ANO1: variants seen among roughly 807,000 people sequenced by gnomAD.
ANO1 encodes the protein anoctamin-1.
A neutral mutation model predicts 124.0 loss-of-function variants in ANO1; 59 were observed. That is an observed-to-expected ratio of 0.48 (90% CI 0.39 to 0.59). The LOEUF (loss-of-function observed/expected upper bound fraction) is 0.59. Among genes scored for constraint, ANO1 ranks in the 20% least tolerant of loss-of-function variants. The probability of loss-of-function intolerance (pLI) is 0.00; values close to 1 mark genes in which losing one functional copy is unlikely to be tolerated. For missense variants in ANO1, 1,059 were observed against 1,328.0 expected (o/e 0.80, Z 3.15); for synonymous variants, 529 against 532.0 (o/e 0.99, Z 0.08).
chr11:69,988,492 T>C (rs1856091189), intron 1 of ANO1, among the ~76,000 whole-genome samples: 1 of 152,214 alleles, frequency 6.6e-6, no homozygotes, highest in Admixed American at 6.5e-5. Context: ...GTGAGGATTA[T>C]CATCATTGTC....
chr11:70,080,737 G>A (rs895360148), intron 1 of ANO1, among the ~76,000 whole-genome samples: 22 of 152,202 alleles, frequency 1.4e-4, no homozygotes, highest in Admixed American at 1.3e-3. Context: ...CAACACTTCC[G>A]TTACACATAC....
chr11:70,171,333 G>A (rs1007034996), intron 22 of ANO1, among the ~76,000 whole-genome samples: 1 of 152,144 alleles, frequency 6.6e-6, no homozygotes, highest in Non-Finnish European at 1.5e-5. Context: ...AGGTACAAGA[G>A]ACTACATTTC....
chr11:70,103,719 A>C (rs2135358749), intron 3 of ANO1, among the ~76,000 whole-genome samples: 1 of 152,282 alleles, frequency 6.6e-6, no homozygotes, highest in East Asian at 1.9e-4. Flanking sequence ...TCGCGTCCTC[A>C]GAGACCACTT....
chr11:70,149,551 T>C (rs922522458), intron 11 of ANO1, 159 bp from the exon 12 acceptor site: 2 of 665,646 alleles, frequency 3.0e-6, no homozygotes, highest in African/African-American at 1.8e-5. Flanking sequence ...CTCGGGAGGC[T>C]GAGGAAGGAG....
chr11:70,103,712 C>A (rs945719523), intron 3 of ANO1, among the ~76,000 whole-genome samples: 2 of 152,166 alleles, frequency 1.3e-5, no homozygotes, highest in Non-Finnish European at 2.9e-5. Context: ...CTGCTTCTCG[C>A]GTCCTCAGAG....
At chr11:69,990,186 C>G (rs750601083) in intron 1 of ANO1, among the ~76,000 whole-genome samples, 2 of 152,178 alleles carry the variant, frequency 1.3e-5, no homozygotes, top group Non-Finnish European at 2.9e-5. Flanking sequence ...TAACCTCTAT[C>G]TATTCTAATT....
At chr11:69,967,504 A>C in the ANO1 span, among the ~76,000 whole-genome samples, 1,573 of 152,366 alleles carry the variant, frequency 0.01, 99 homozygotes, top group Admixed American at 0.096. Flanking sequence ...TGGGCCACCC[A>C]GAGCCAGTTG....
chr11:70,107,673 T>C (rs1244352400), intron 5 of ANO1, among the ~76,000 whole-genome samples: 1 of 152,130 alleles, frequency 6.6e-6, no homozygotes, highest in East Asian at 1.9e-4. Context: ...ATGTCGCTGG[T>C]CCAAAATCAC....
chr11:70,013,377 G>A (rs1293611026), intron 1 of ANO1, among the ~76,000 whole-genome samples: 1 of 150,916 alleles, frequency 6.6e-6, no homozygotes, highest in African/African-American at 2.5e-5. Context: ...GCCACACCAG[G>A]CTTGCCTTTT....
At position 70,187,930 on chromosome 11, in the gene ANO1, C is replaced by G. The variant is rs1342862174; in HGVS notation, c.2887C>G (p.His963Asp). ...GAAGGACGAGCCGCCGTGCAACCAC[C>G]ACAACACCAAAGCCTGCCCAGACAG... The part of the protein sequence containing the change: ...RQKDEPPCNH[H>D]NTKACPDSLG... Residue 963 changes from histidine to aspartate, a missense_variant, in exon 26 of 26, where the codon CAC (histidine) becomes GAC (aspartate). Around this residue, in one of 2 missense-constraint regions of ANO1, gnomAD observed 809 missense variants for 1,094.9 expected, o/e 0.74. Coordinates refer to ENST00000355303, the MANE Select transcript of ANO1 (RefSeq NM_018043.7). 7 of 1,584,672 alleles carry G rather than the reference C, an allele frequency of 4.4e-6. No homozygotes were observed. Among genetic ancestry groups the G allele is most frequent in the Non-Finnish European group, 6.0e-6 (7 of 1,166,490 alleles).
chr11:70,113,382 T>A (rs2045863668), intron 7 of ANO1, among the ~76,000 whole-genome samples: 2 of 152,190 alleles, frequency 1.3e-5, no homozygotes, highest in Non-Finnish European at 2.9e-5. Flanking sequence ...ACCTGCTGTA[T>A]GGGGAGGTTT....
chr11:70,031,660 A>G (rs2046995), intron 1 of ANO1, among the ~76,000 whole-genome samples: 3,663 of 152,254 alleles, frequency 0.024, 143 homozygotes, highest in East Asian at 0.16. Context: ...GGATGAGGGT[A>G]CAGAGATGAG....
chr11:70,118,367 G>A (rs562429796), intron 8 of ANO1, among the ~76,000 whole-genome samples: 54 of 152,222 alleles, frequency 3.5e-4, no homozygotes, highest in African/African-American at 1.3e-3. Context: ...CACAATGCGG[G>A]TTTGTCCAGG....
chr11:70,103,965 G>A (rs777764395), intron 3 of ANO1, 34 bp from the exon 4 acceptor site: 4 of 1,601,894 alleles, frequency 2.5e-6, no homozygotes, highest in Non-Finnish European at 3.4e-6. Context: ...CCAGCAGGGT[G>A]ACGCAGCTCC....
intron 1 of ANO1, among the ~76,000 whole-genome samples, chr11:70,041,520 C>T (rs1857182572): frequency 6.6e-6 from 1 of 152,186 alleles, no homozygotes; most frequent in Admixed American, 6.5e-5. Flanking sequence ...CACATTTCAT[C>T]CAGTTGGCAG....
chr11:70,176,926 C>G (rs904214557), intron 22 of ANO1, among the ~76,000 whole-genome samples: 1 of 152,144 alleles, frequency 6.6e-6, no homozygotes, highest in Non-Finnish European at 1.5e-5. Flanking sequence ...GCTGGGGTGC[C>G]GGTTCAGCAT....
the ANO1 span, among the ~76,000 whole-genome samples, chr11:69,969,323 G>A: frequency 9.2e-5 from 14 of 152,170 alleles, no homozygotes; most frequent in African/African-American, 3.4e-4. Flanking sequence ...TACATGATCT[G>A]GTCTGAGGTG....
chr11:70,000,157 C>T (rs1447648609), intron 1 of ANO1, among the ~76,000 whole-genome samples: 1 of 152,106 alleles, frequency 6.6e-6, no homozygotes, highest in Non-Finnish European at 1.5e-5. Flanking sequence ...GACATAGCTA[C>T]CCAAAATGAG....
At chr11:70,095,382 GAA>G (rs1358959141) in intron 2 of ANO1, among the ~76,000 whole-genome samples, 4 of 33,820 alleles carry the variant, frequency 1.2e-4, no homozygotes, top group African/African-American at 1.7e-4. Flanking sequence ...AAGAAAGAAA[GAA>G]AGAAAGAAAG....
Sources: allele counts gnomAD v4.1 joint callset (sites outside exome capture counted in the v4.1 genomes callset), GRCh38; gene constraint gnomAD v4.1.1; regional missense constraint gnomAD v4.1.1; transcripts MANE v1.5; gene names NCBI Gene and HGNC (gene_info 2026-07-23, HGNC 2026-07-21).